The following THSD4 variants were observed in gnomAD, a reference collection of about 807,000 sequenced individuals.
The protein encoded by THSD4 is thrombospondin type 1 domain containing 4, also known as thrombospondin type-1 domain-containing protein 4.
In THSD4, 69 loss-of-function variants were observed where a neutral mutation model predicts 119.0. The observed-to-expected ratio is 0.58, with a 90% confidence interval of 0.48 to 0.71. THSD4 has a LOEUF of 0.71. Ranked by LOEUF, THSD4 falls within the 30% of genes least tolerant of loss-of-function variation. The probability of loss-of-function intolerance (pLI) is 0.00; values close to 1 mark genes in which losing one functional copy is unlikely to be tolerated. For synonymous variants in THSD4, 524 were observed against 540.4 expected (o/e 0.97, Z 0.42); for missense variants, 1,393 against 1,391.1 (o/e 1.00, Z -0.02).
At chr15:71,611,022 C>T (rs1306960359) in intron 7 of THSD4, among the ~76,000 whole-genome samples, 4 of 152,160 alleles carry the variant, frequency 2.6e-5, no homozygotes, top group South Asian at 2.1e-4. Flanking sequence ...CAACGTGTTA[C>T]CCTAGATTCT....
chr15:71,467,288 A>G (rs77579227), intron 7 of THSD4, among the ~76,000 whole-genome samples: 2 of 152,362 alleles, frequency 1.3e-5, no homozygotes, highest in East Asian at 1.9e-4. Flanking sequence ...TGAGCACTCC[A>G]TAACAAAAGA....
At chr15:71,269,338 A>G (rs1387786498) in intron 6 of THSD4, among the ~76,000 whole-genome samples, 1 of 152,214 alleles carries the variant, frequency 6.6e-6, no homozygotes, top group East Asian at 1.9e-4. Context: ...AAGAGAACCA[A>G]TGACAAAAAC....
intron 7 of THSD4, among the ~76,000 whole-genome samples, chr15:71,430,780 A>AAAAAG (rs1566979896): frequency 1.0e-4 from 14 of 134,388 alleles, no homozygotes; most frequent in South Asian, 7.0e-4. Context: ...AAAAAAAAAA[A>AAAAAG]AAAGAGAGTT....
At chr15:71,759,290 T>G (rs2053593529) in intron 15 of THSD4, among the ~76,000 whole-genome samples, 1 of 152,358 alleles carries the variant, frequency 6.6e-6, no homozygotes, top group Admixed American at 6.5e-5. Context: ...CTTCCAGTGC[T>G]ACTCTGGTGA....
intron 6 of THSD4, among the ~76,000 whole-genome samples, chr15:71,273,201 G>A (rs540412195): frequency 5.3e-5 from 8 of 152,312 alleles, no homozygotes; most frequent in East Asian, 3.9e-4. Flanking sequence ...GAAAGAATAC[G>A]ATTCAGCCTG....
intron 8 of THSD4, among the ~76,000 whole-genome samples, chr15:71,725,707 A>G (rs2052820155): frequency 6.6e-6 from 1 of 152,184 alleles, no homozygotes; most frequent in African/African-American, 2.4e-5. Context: ...AGCTAATTTT[A>G]AATTTCCTCA....
intron 8 of THSD4, among the ~76,000 whole-genome samples, chr15:71,675,366 T>C (rs2051622416): frequency 6.6e-6 from 1 of 152,210 alleles, no homozygotes; most frequent in East Asian, 1.9e-4. Flanking sequence ...TTTACTGTAG[T>C]TTATCTGTTT....
chr15:71,397,625 G>A (rs2046470430), intron 6 of THSD4, among the ~76,000 whole-genome samples: 1 of 152,226 alleles, frequency 6.6e-6, no homozygotes, highest in Non-Finnish European at 1.5e-5. Flanking sequence ...CCTTGAGAGG[G>A]TGAGCATTTG....
chr15:71,724,256 T>C (rs1430859184), intron 8 of THSD4, among the ~76,000 whole-genome samples: 2 of 116,676 alleles, frequency 1.7e-5, no homozygotes, highest in Non-Finnish European at 3.5e-5. Flanking sequence ...GGAGGAGGCC[T>C]CTATGATGGG....
chr15:71,327,409 C>T (rs1315200104), intron 6 of THSD4, among the ~76,000 whole-genome samples: 1 of 152,156 alleles, frequency 6.6e-6, no homozygotes, highest in Non-Finnish European at 1.5e-5. Context: ...TGACCTGACC[C>T]ACCTAGAACT....
intron 3 of THSD4, among the ~76,000 whole-genome samples, chr15:71,209,182 A>C (rs2043869242): frequency 6.6e-6 from 1 of 152,202 alleles, no homozygotes; most frequent in African/African-American, 2.4e-5. Context: ...GGTAGTGTAC[A>C]TTCTCCCAGT....
chr15:71,428,589 A>G (rs1296609095), intron 7 of THSD4, among the ~76,000 whole-genome samples: 1 of 152,250 alleles, frequency 6.6e-6, no homozygotes, highest in Admixed American at 6.5e-5. Context: ...ATTCAGGTCA[A>G]ACCAAGTAGT....
At chr15:71,710,341 G>T (rs2052484774) in intron 8 of THSD4, among the ~76,000 whole-genome samples, 1 of 152,098 alleles carries the variant, frequency 6.6e-6, no homozygotes, top group Non-Finnish European at 1.5e-5. Flanking sequence ...TTAAGGGAAG[G>T]GAAATAGGAT....
At position 71,319,179 on chromosome 15, in the gene THSD4, A is replaced by T. The variant is rs553181839; in HGVS notation, c.1015+62464A>T. Among the ~76,000 whole-genome samples the T allele has an allele frequency of 5.5e-4, 83 of 152,150 alleles. No individual in the cohort carries two copies. The South Asian group carries it at 0.017, about 30-fold the overall frequency. On this transcript the variant is annotated intron_variant, in intron 6 of 17. Transcript: ENST00000261862. ...TAATCAGGACTGAGCACCTTAGGAC[A>T]CTCCTGGTATGTCTAATCAGGGAAA...
chr15:71,745,342 T>TTGGG, intron 12 of THSD4, 107 bp downstream of exon 12: 1 of 1,428,944 alleles, frequency 7.0e-7, no homozygotes, highest in Non-Finnish European at 9.4e-7. Flanking sequence ...GAGTTAGAAA[T>TTGGG]ACAAGACTTG....
At chr15:71,686,810 A>G (rs1403505301) in intron 8 of THSD4, among the ~76,000 whole-genome samples, 1 of 152,068 alleles carries the variant, frequency 6.6e-6, no homozygotes, top group Non-Finnish European at 1.5e-5. Context: ...CAACTACTCA[A>G]CTCTCCTATG....
rs77795470 is a variant in THSD4 at position 71,256,773 on chromosome 15, T to C, written c.1015+58T>C. On this transcript the variant is annotated intron_variant, in intron 6 of 17. Transcript: ENST00000261862. ...TACTTTAGTCTGTTTTCCATTCTTG[T>C]TGACTTCTGATTGATGTTGGAGGTA... 2.2e-3 allele frequency: 3,350 copies of C among 1,502,354 alleles called. 66 individuals carry two copies. In the African/African-American group the frequency reaches 0.041, roughly 18 times the overall value. The allele number at this position is 1,502,354 out of a possible 1,614,324, so 93.1% of individuals were successfully genotyped here.
chr15:71,372,587 A>G (rs1445036641), intron 6 of THSD4, among the ~76,000 whole-genome samples: 1 of 152,220 alleles, frequency 6.6e-6, no homozygotes, highest in Admixed American at 6.5e-5. Flanking sequence ...GAGGCTGCAA[A>G]ACAGCAAATA....
At chr15:71,242,129 T>G (rs1474446869) in intron 4 of THSD4, among the ~76,000 whole-genome samples, 1 of 152,152 alleles carries the variant, frequency 6.6e-6, no homozygotes, top group Non-Finnish European at 1.5e-5. Context: ...TGGTTGCTTA[T>G]CTAAGTTCCA....
Sources: gnomAD v4.1 joint callset for allele counts (sites outside exome capture counted in the v4.1 genomes callset) on GRCh38, gnomAD v4.1.1 for gene constraint, MANE v1.5 for transcripts, NCBI Gene and HGNC (gene_info 2026-07-23, HGNC 2026-07-21) for gene names.